PGAP4: variants seen among roughly 807,000 people sequenced by gnomAD.
PGAP4 encodes post-GPI attachment to proteins GalNAc transferase 4.
PGAP4 carries 12 observed loss-of-function variants against 28.2 expected under a neutral mutation model. That is an observed-to-expected ratio of 0.42 (90% CI 0.27 to 0.69). The LOEUF (loss-of-function observed/expected upper bound fraction) is 0.69, where lower values mean the gene tolerates loss of function less well. PGAP4 is among the 30% of genes least tolerant of loss of function. PGAP4 has a pLI of 0.22. For synonymous variants in PGAP4, 205 were observed against 211.8 expected (o/e 0.97, Z 0.28); for missense variants, 425 against 513.5 (o/e 0.83, Z 1.67).
chr9:101,495,486 C>A (rs868299772), intron 2 of PGAP4, among the ~76,000 whole-genome samples: 46 of 90,960 alleles, frequency 5.1e-4, no homozygotes, highest in African/African-American at 2.0e-3. Context: ...TATATATAGG[C>A]TTTCTGTGGC....
At chr9:101,509,126 T>C (rs1045071044) in intron 2 of PGAP4, among the ~76,000 whole-genome samples, 6 of 152,194 alleles carry the variant, frequency 3.9e-5, no homozygotes, top group Non-Finnish European at 8.8e-5. Context: ...GGGTCGTGTA[T>C]CCATTCCTTC....
chr9:101,529,026 ATAAG>A (rs1463994630), intron 2 of PGAP4, among the ~76,000 whole-genome samples: 1 of 151,684 alleles, frequency 6.6e-6, no homozygotes, highest in Non-Finnish European at 1.5e-5. Context: ...GCTCCTACTT[ATAAG>A]TGAGTACGTG....
Position 101,474,986 on chromosome 9 carries a change from G to GCTTTTTTTTTT in PGAP4, c.*894_*895insAAAAAAAAAAG, listed in dbSNP as rs148013361. On this transcript the variant is annotated 3_prime_UTR_variant, in exon 2 of 2. Transcript: ENST00000374848. ...GTCAGGTCTTCTGACTTCAGTCCAT[G>GCTTTTTTTTTT]ATTTTTTTTTTTTTTTTTCTATAAC... The GCTTTTTTTTTT allele has an allele frequency of 1.4e-5, 2 of 141,536 alleles. No homozygotes were observed. Among genetic ancestry groups the GCTTTTTTTTTT allele is most frequent in the African/African-American group, 2.7e-5 (1 of 37,484 alleles). The allele number at this position is 141,536 out of a possible 1,614,324, so 8.8% of individuals were successfully genotyped here. A position where few individuals can be genotyped will look rare whatever the true frequency, so the allele number is the denominator to read the frequency against.
rs1171756802 is a variant in PGAP4, at chr9:101,474,434, T to G, written c.*1447A>C. 1 of 152,252 alleles carries G rather than the reference T, an allele frequency of 6.6e-6. No individual in the cohort carries two copies. Among genetic ancestry groups the G allele is most frequent in the East Asian group, 1.9e-4 (1 of 5,204 alleles). 9.4% of individuals were successfully genotyped at this position (152,252 alleles called of 1,614,324 possible). On this transcript the variant is annotated 3_prime_UTR_variant, in exon 2 of 2. Transcript: ENST00000374848. Reference sequence around the variant, plus strand: ...TCTGACAGTACTGTTAAAAGACATTTATTTGTAACTTTTGAGAAAATAATT... The same window carrying G: ...TCTGACAGTACTGTTAAAAGACATTGATTTGTAACTTTTGAGAAAATAATT...
At chr9:101,483,573 C>T (rs954773258) in intron 1 of PGAP4, among the ~76,000 whole-genome samples, 2 of 151,920 alleles carry the variant, frequency 1.3e-5, no homozygotes, top group African/African-American at 4.8e-5. Flanking sequence ...GCAATAGACT[C>T]AAAACATGGT....
At chr9:101,532,249 G>A (rs1157025388) in intron 1 of PGAP4, among the ~76,000 whole-genome samples, 2 of 148,400 alleles carry the variant, frequency 1.3e-5, no homozygotes, top group African/African-American at 2.5e-5. Context: ...CAGCCTGGGT[G>A]ACAGAGTAAG....
intron 2 of PGAP4, among the ~76,000 whole-genome samples, chr9:101,515,654 A>G (rs939683053): frequency 1.3e-5 from 2 of 152,172 alleles, no homozygotes; most frequent in African/African-American, 4.8e-5. Flanking sequence ...TTGTCAAAAT[A>G]TTAAAAACTC....
chr9:101,510,228 T>C (rs1564100449), intron 2 of PGAP4, among the ~76,000 whole-genome samples: 1 of 152,198 alleles, frequency 6.6e-6, no homozygotes, highest in Admixed American at 6.5e-5. Context: ...AAGATCATGA[T>C]ATATGTCCTT....
At chr9:101,478,293 A>C (rs1470628236) in intron 1 of PGAP4, among the ~76,000 whole-genome samples, 2 of 152,266 alleles carry the variant, frequency 1.3e-5, no homozygotes, top group Non-Finnish European at 2.9e-5. Flanking sequence ...AACAGAATGA[A>C]AAGGGCAAAG....
intron 2 of PGAP4, among the ~76,000 whole-genome samples, chr9:101,504,443 C>T (rs1175096074): frequency 6.6e-6 from 1 of 151,798 alleles, no homozygotes; most frequent in East Asian, 1.9e-4. Context: ...CTGGCAACCA[C>T]AAAGGGACCC....
intron 2 of PGAP4, among the ~76,000 whole-genome samples, chr9:101,524,931 G>A (rs1031555767): frequency 1.3e-5 from 2 of 152,130 alleles, no homozygotes; most frequent in Admixed American, 6.5e-5. Flanking sequence ...TTCATAATGC[G>A]AGCTCCCACA....
rs1826278767 is a variant in PGAP4 at position 101,475,704 on chromosome 9, C to T, written c.*177G>A. The T allele has an allele frequency of 1.5e-6, 1 of 675,862 alleles. No homozygotes were observed. The allele number at this position is 675,862 out of a possible 1,614,324, so 41.9% of individuals were successfully genotyped here. On this transcript the variant is annotated 3_prime_UTR_variant, in exon 2 of 2. Transcript: ENST00000374848. ...GACCTGTGGCAAACTGCTGCTCCTG[C>T]CAGGAGGCTACCAAAGCCAAGGCTC...
chr9:101,492,001 T>C (rs553248877), upstream of PGAP4, among the ~76,000 whole-genome samples: 27 of 151,828 alleles, frequency 1.8e-4, no homozygotes, highest in South Asian at 5.6e-3. Context: ...GGAAATAGTG[T>C]CATTTACATC....
At chr9:101,491,355 G>A (rs1447779697), upstream of PGAP4, among the ~76,000 whole-genome samples, 1 of 152,106 alleles carries the variant, frequency 6.6e-6, no homozygotes, top group Non-Finnish European at 1.5e-5. Context: ...GGGAAATAAA[G>A]CCATATCACA....
chr9:101,494,055 G>T (rs1410732372), intron 2 of PGAP4, among the ~76,000 whole-genome samples: 1 of 151,942 alleles, frequency 6.6e-6, no homozygotes, highest in African/African-American at 2.4e-5. Context: ...ACTGTTTGAG[G>T]CTTGGAAGCC....
At chr9:101,510,053 T>C (rs943706314) in intron 2 of PGAP4, among the ~76,000 whole-genome samples, 2 of 152,210 alleles carry the variant, frequency 1.3e-5, no homozygotes, top group Non-Finnish European at 2.9e-5. Flanking sequence ...GTTGCCTTGT[T>C]GTCAACATCA....
At chr9:101,490,945 C>G (rs150378135), upstream of PGAP4, among the ~76,000 whole-genome samples, 3 of 152,166 alleles carry the variant, frequency 2.0e-5, no homozygotes, top group African/African-American at 4.8e-5. Flanking sequence ...GTTTAAGGAA[C>G]GTGCTGCATT....
At chr9:101,505,388 A>G (rs1366087450) in intron 2 of PGAP4, among the ~76,000 whole-genome samples, 1 of 152,084 alleles carries the variant, frequency 6.6e-6, no homozygotes, top group Non-Finnish European at 1.5e-5. Flanking sequence ...AGATTACAAG[A>G]TTCTAAAATG....
chr9:101,488,117 C>A (rs56998622), upstream of PGAP4, among the ~76,000 whole-genome samples: 6,606 of 152,144 alleles, frequency 0.043, 185 homozygotes, highest in Admixed American at 0.08. Flanking sequence ...CCACCTGAGC[C>A]CCCATTCATC....
Sources: gnomAD v4.1 joint callset for allele counts (sites outside exome capture counted in the v4.1 genomes callset) on GRCh38, gnomAD v4.1.1 for gene constraint, MANE v1.5 for transcripts, NCBI Gene and HGNC (gene_info 2026-07-23, HGNC 2026-07-21) for gene names.